VEGFC: variants seen among roughly 807,000 people sequenced by gnomAD.
VEGFC encodes the protein FLT4 ligand DHM.
Under a neutral mutation model 46.1 loss-of-function variants are expected in VEGFC, and 12 were observed. That is an observed-to-expected ratio of 0.26 (90% confidence interval 0.17 to 0.42). VEGFC has a LOEUF of 0.42. VEGFC is among the 10% of genes least tolerant of loss of function. VEGFC has a pLI of 1.00. For missense variants in VEGFC, 488 were observed against 529.4 expected (o/e 0.92, Z 0.77); for synonymous variants, 232 against 195.5 (o/e 1.19, Z -1.56).
intron 1 of VEGFC, among the ~76,000 whole-genome samples, chr4:176,785,685 T>C (rs1276708820): frequency 6.6e-6 from 1 of 152,136 alleles, no homozygotes; most frequent in South Asian, 2.1e-4. Flanking sequence ...TGTGCAAATA[T>C]AGAGATTCTA....
rs903779630 is a variant in VEGFC, at chr4:176,792,918, G to A, written c.-607C>T. On this transcript the variant is annotated 5_prime_UTR_variant, in exon 1 of 7. Coordinates refer to ENST00000618562, the MANE Select transcript of VEGFC (RefSeq NM_005429.5). This position sits in a 1 kb window ranked among gnomAD's most constrained non-coding sequence, Gnocchi z 6.3. ...GCGGCGGCGGCGGGCGCAGGGGCAG[G>A]GCATGACTGACGCGCCCTCTGCCTG... Among the ~76,000 whole-genome samples, 1 of 150,770 alleles carries A rather than the reference G, an allele frequency of 6.6e-6. No individual in the cohort carries two copies. Among genetic ancestry groups the A allele is most frequent in the Non-Finnish European group, 1.5e-5 (1 of 67,356 alleles).
intron 1 of VEGFC, among the ~76,000 whole-genome samples, chr4:176,761,961 T>G (rs1016776205): frequency 1.3e-5 from 2 of 152,170 alleles, no homozygotes; most frequent in African/African-American, 4.8e-5. Context: ...CTCAGATGTC[T>G]CTGACGTATC....
chr4:176,774,327 GAATT>G (rs1735775112), intron 1 of VEGFC, among the ~76,000 whole-genome samples: 1 of 151,978 alleles, frequency 6.6e-6, no homozygotes, highest in Non-Finnish European at 1.5e-5. Flanking sequence ...AAAATTATGA[GAATT>G]AACTTTATGA....
At chr4:176,767,650 A>G (rs1735650257) in intron 1 of VEGFC, among the ~76,000 whole-genome samples, 1 of 152,186 alleles carries the variant, frequency 6.6e-6, no homozygotes, top group Non-Finnish European at 1.5e-5. Context: ...ACCAGTCGTT[A>G]AACTCTTTTA....
At chr4:176,749,271 A>C (rs1735303731) in intron 1 of VEGFC, among the ~76,000 whole-genome samples, 2 of 151,966 alleles carry the variant, frequency 1.3e-5, no homozygotes, top group Non-Finnish European at 1.5e-5. Context: ...AAAATATAAA[A>C]AACAAACTCA....
intron 1 of VEGFC, among the ~76,000 whole-genome samples, chr4:176,780,624 A>G (rs1285459786): frequency 6.6e-6 from 1 of 152,180 alleles, no homozygotes; most frequent in African/African-American, 2.4e-5. Context: ...TTCCCAACAC[A>G]TTGCAGATAT....
intron 1 of VEGFC, among the ~76,000 whole-genome samples, chr4:176,788,585 C>T (rs1381187062): frequency 2.0e-5 from 3 of 152,158 alleles, no homozygotes; most frequent in Admixed American, 6.5e-5. Context: ...CAGTAGAGTA[C>T]CTGTTGTTTA....
chr4:176,692,415 CAAAAAAA>C (rs754971358), intron 4 of VEGFC, among the ~76,000 whole-genome samples: 1 of 123,032 alleles, frequency 8.1e-6, no homozygotes. Context: ...AACAAACAAA[CAAAAAAA>C]AAACAAAAAA....
intron 3 of VEGFC, among the ~76,000 whole-genome samples, chr4:176,715,155 A>C (rs1173718546): frequency 6.6e-6 from 1 of 152,236 alleles, no homozygotes; most frequent in Non-Finnish European, 1.5e-5. Flanking sequence ...AGGAATCAAA[A>C]TCAAAATCTT....
At position 176,792,433 on chromosome 4, in the gene VEGFC, C is replaced by T. The variant is rs895334136; in HGVS notation, c.-122G>A. The T allele has an allele frequency of 1.3e-6, 1 of 744,802 alleles. No homozygotes were observed. The highest frequency in any genetic ancestry group is 1.9e-5 in the African/African-American group (1 of 53,818). The allele number at this position is 744,802 out of a possible 1,614,324, so 46.1% of individuals were successfully genotyped here. Reference sequence around the variant, plus strand: ...TCCCCCGGGCTCCTCCCGGCGACCCCCCCTGGGCGAGCCGGAGGCGGCGGG... The same window carrying T: ...TCCCCCGGGCTCCTCCCGGCGACCCTCCCTGGGCGAGCCGGAGGCGGCGGG... On this transcript the variant is annotated 5_prime_UTR_variant, in exon 1 of 7. Coordinates refer to ENST00000618562, the MANE Select transcript of VEGFC (RefSeq NM_005429.5). The surrounding 1 kb of genome is among the most constrained non-coding windows in gnomAD (Gnocchi z 6.3).
intron 1 of VEGFC, among the ~76,000 whole-genome samples, chr4:176,766,586 CA>C (rs34010850): frequency 0.034 from 4,648 of 137,244 alleles, 91 homozygotes; most frequent in Non-Finnish European, 0.045. Flanking sequence ...CACTCTGTCT[CA>C]AAAAAAAAAA....
chr4:176,707,293 G>A (rs976095816), intron 4 of VEGFC, among the ~76,000 whole-genome samples: 4 of 152,168 alleles, frequency 2.6e-5, no homozygotes, highest in South Asian at 2.1e-4. Context: ...GGTGACATAG[G>A]AGTTTTGGTT....
intron 1 of VEGFC, among the ~76,000 whole-genome samples, chr4:176,756,467 G>A (rs1211470451): frequency 6.6e-6 from 1 of 151,924 alleles, no homozygotes; most frequent in Non-Finnish European, 1.5e-5. Context: ...GGAATTGGTA[G>A]CTGGGACCTC....
intron 1 of VEGFC, among the ~76,000 whole-genome samples, chr4:176,787,433 G>A (rs540879120): frequency 1.7e-4 from 25 of 144,104 alleles, no homozygotes; most frequent in Middle Eastern, 4.0e-3. Context: ...CTCCAGCCTG[G>A]GCAATAGAGC....
chr4:176,736,370 T>A lies in VEGFC; in HGVS notation c.148-6624A>T, dbSNP rs1263494894. 2.6e-5 allele frequency among the ~76,000 whole-genome samples: 4 copies of A among 151,946 alleles called. No homozygotes were observed. In the East Asian group the frequency reaches 7.7e-4, roughly 29 times the overall value. On this transcript the variant is annotated intron_variant, in intron 1 of 6. Transcript: ENST00000618562. The stretch of plus-strand genomic sequence containing the variant: ...TGCATATAGGCCGATATATAATAGT[T>A]AAGAGACTAGCTTTTAGACTTGGAA...
At chr4:176,686,576 A>G (rs539918316) in intron 6 of VEGFC, among the ~76,000 whole-genome samples, 1 of 152,318 alleles carries the variant, frequency 6.6e-6, no homozygotes, top group African/African-American at 2.4e-5. Context: ...AGTAGGATCA[A>G]TTTATTCTCT....
chr4:176,719,610 T>C (rs996133040), intron 3 of VEGFC, among the ~76,000 whole-genome samples: 2 of 152,224 alleles, frequency 1.3e-5, no homozygotes, highest in Non-Finnish European at 2.9e-5. Flanking sequence ...TTTTAATTAC[T>C]TGATAAATGT....
intron 1 of VEGFC, among the ~76,000 whole-genome samples, chr4:176,747,280 T>A (rs922949143): frequency 6.6e-6 from 1 of 152,092 alleles, no homozygotes; most frequent in Non-Finnish European, 1.5e-5. Context: ...TGTATTACAA[T>A]AAACTAATTT....
At chr4:176,744,385 C>T (rs919604700) in intron 1 of VEGFC, among the ~76,000 whole-genome samples, 3 of 151,958 alleles carry the variant, frequency 2.0e-5, no homozygotes, top group Admixed American at 2.0e-4. Context: ...TAGAAATGCT[C>T]AAGTGTCCAG....
Sources: allele counts gnomAD v4.1 joint callset (sites outside exome capture counted in the v4.1 genomes callset), GRCh38; gene constraint gnomAD v4.1.1; non-coding constraint Gnocchi (gnomAD v3.1); transcripts MANE v1.5; gene names NCBI Gene and HGNC (gene_info 2026-07-23, HGNC 2026-07-21).